The following VSTM2B variants were observed in gnomAD, a reference collection of about 807,000 sequenced individuals.
VSTM2B encodes V-set and transmembrane domain containing 2B, also known as V-set and transmembrane domain-containing protein 2B.
Under a neutral mutation model 24.0 loss-of-function variants are expected in VSTM2B, and 24 were observed. The observed-to-expected ratio is 1.00, with a 90% confidence interval of 0.72 to 1.40. VSTM2B has a LOEUF of 1.40. Ranked by LOEUF, VSTM2B falls within the 40% of genes most tolerant of loss-of-function variation. The pLI is 0.00. For synonymous variants in VSTM2B, 226 were observed against 194.4 expected (o/e 1.16, Z -1.35); for missense variants, 399 against 416.4 (o/e 0.96, Z 0.36).
intron 4 of VSTM2B, among the ~76,000 whole-genome samples, chr19:29,543,586 C>A (rs1458091622): frequency 6.6e-6 from 1 of 152,234 alleles, no homozygotes; most frequent in Non-Finnish European, 1.5e-5. Flanking sequence ...TGGCCAGGCC[C>A]ATTTCCACTG....
intron 4 of VSTM2B, among the ~76,000 whole-genome samples, chr19:29,544,703 A>G (rs1340622033): frequency 6.6e-6 from 1 of 152,172 alleles, no homozygotes; most frequent in Non-Finnish European, 1.5e-5. Context: ...GGTGAGGTCA[A>G]GGTCACTCTT....
At chr19:29,528,916 G>T in intron 3 of VSTM2B, 1 of 985,418 alleles carries the variant, frequency 1.0e-6, no homozygotes, top group Non-Finnish European at 1.2e-6. Context: ...CGCCTGGATT[G>T]CGGGTCTGGG....
At chr19:29,560,264 T>C (rs115882975) in intron 4 of VSTM2B, among the ~76,000 whole-genome samples, 1,892 of 152,248 alleles carry the variant, frequency 0.012, 33 homozygotes, top group African/African-American at 0.043. Context: ...GGGGGACTTG[T>C]AGCCATTTTT....
rs1034154485 is a variant in VSTM2B, at chr19:29,530,111, G to A, written c.590G>A (p.Arg197His). The change falls in exon 4 of 5, where the codon CGC becomes CAC. Residue 197 changes from arginine to histidine, a missense_variant. Physicochemically the swap from Arg to His is conservative, Grantham distance 29. Coordinates refer to ENST00000335523, the MANE Select transcript of VSTM2B (RefSeq NM_001146339.2). Reference sequence around the variant, plus strand: ...AGCCGTACCACCTCCGAGCCCGGCCGCGGCGACAAGAGCCCGCCGCCCGGG... The same window carrying A: ...AGCCGTACCACCTCCGAGCCCGGCCACGGCGACAAGAGCCCGCCGCCCGGG... ...AASRTTSEPG[R>H]GDKSPPPGSP... 1.2e-5 allele frequency: 18 copies of A among 1,445,366 alleles called. No homozygotes were observed. In the African/African-American group the frequency reaches 1.3e-4, roughly 11 times the overall value. The allele number at this position is 1,445,366 out of a possible 1,614,324, so 89.5% of individuals were successfully genotyped here.
At chr19:29,530,358 C>T (rs751843898) in intron 4 of VSTM2B, 68 bp downstream of exon 4, 15 of 1,346,638 alleles carry the variant, frequency 1.1e-5, no homozygotes, top group Non-Finnish European at 1.4e-5. Flanking sequence ...CCGGGACGCC[C>T]CGGGGGGCTC....
chr19:29,549,752 A>G (rs887901255), intron 4 of VSTM2B, among the ~76,000 whole-genome samples: 13 of 151,958 alleles, frequency 8.6e-5, no homozygotes, highest in Admixed American at 1.3e-4. Context: ...GCCCTCTCCT[A>G]CTCTCACTCC....
intron 4 of VSTM2B, among the ~76,000 whole-genome samples, chr19:29,531,003 G>C (rs1044875125): frequency 6.6e-6 from 1 of 150,792 alleles, no homozygotes; most frequent in Non-Finnish European, 1.5e-5. Context: ...ATTGGGGATG[G>C]GGGGCGGGAT....
intron 4 of VSTM2B, among the ~76,000 whole-genome samples, chr19:29,546,515 C>T (rs1970159858): frequency 6.6e-6 from 1 of 152,266 alleles, no homozygotes; most frequent in African/African-American, 2.4e-5. Flanking sequence ...GGAAAATTCT[C>T]TTGCAGGGGC....
chr19:29,529,686 G>A, intron 3 of VSTM2B, 133 bp from the exon 4 acceptor site: 6 of 890,762 alleles, frequency 6.7e-6, no homozygotes, highest in South Asian at 6.5e-5. Context: ...AAGGGAAGCC[G>A]GATCGTGATG....
chr19:29,546,744 A>G (rs1970167428), intron 4 of VSTM2B, among the ~76,000 whole-genome samples: 2 of 150,484 alleles, frequency 1.3e-5, no homozygotes, highest in African/African-American at 4.9e-5. Context: ...GCCTGACCAC[A>G]GAGTAAAGGC....
At chr19:29,557,145 A>G (rs1255295060) in intron 4 of VSTM2B, among the ~76,000 whole-genome samples, 2 of 152,186 alleles carry the variant, frequency 1.3e-5, no homozygotes, top group East Asian at 1.9e-4. Context: ...CTACAGGGCT[A>G]CAGTAACCAA....
intron 4 of VSTM2B, among the ~76,000 whole-genome samples, chr19:29,560,603 C>T (rs1970502151): frequency 6.6e-6 from 1 of 152,172 alleles, no homozygotes; most frequent in Non-Finnish European, 1.5e-5. Flanking sequence ...GTGAACCCTC[C>T]CCAGACATCA....
chr19:29,552,575 G>C (rs1970311326), intron 4 of VSTM2B, among the ~76,000 whole-genome samples: 1 of 152,188 alleles, frequency 6.6e-6, no homozygotes, highest in Admixed American at 6.5e-5. Flanking sequence ...TGTGGGTCAG[G>C]GGATCTCCCT....
At chr19:29,551,411 A>G (rs1242007610) in intron 4 of VSTM2B, among the ~76,000 whole-genome samples, 2 of 137,030 alleles carry the variant, frequency 1.5e-5, no homozygotes, top group African/African-American at 5.5e-5. Flanking sequence ...GAAATGAGGA[A>G]TTTCCCAGAC....
rs999832441 is a variant in VSTM2B at position 29,563,855 on chromosome 19, G to A, written c.779G>A (p.Arg260His). 72 of 1,552,128 alleles carry A rather than the reference G, an allele frequency of 4.6e-5. No homozygotes were observed. The highest frequency in any genetic ancestry group is 8.2e-5 in the African/African-American group (6 of 73,036). The change falls in exon 5 of 5, where the codon CGT (arginine) becomes CAT (histidine). Residue 260 changes from arginine to histidine, a missense_variant. Arg to His is a conservative substitution (Grantham distance 29, BLOSUM62 0). Transcript: ENST00000335523. Reference protein sequence around the residue: ...LRQRHGSGTGRSYTTDPLLSL... With the variant: ...LRQRHGSGTGHSYTTDPLLSL... ...TTCTCATCCCCTGCAGGCACCGGCC[G>A]TAGCTACACCACAGACCCACTCTTG...
upstream of VSTM2B, among the ~76,000 whole-genome samples, chr19:29,525,918 G>A (rs1041094547): frequency 1.4e-4 from 21 of 150,556 alleles, no homozygotes; most frequent in African/African-American, 4.9e-4. Flanking sequence ...GAGGGCGGGG[G>A]CGATGCAGCG....
intron 4 of VSTM2B, among the ~76,000 whole-genome samples, chr19:29,542,143 G>A (rs573912339): frequency 3.4e-5 from 5 of 148,932 alleles, no homozygotes; most frequent in Non-Finnish European, 3.0e-5. Context: ...ATAAATAGAT[G>A]GGTAGATGGG....
chr19:29,526,444 C>T lies in VSTM2B; in HGVS notation c.-140C>T, dbSNP rs1183587062. On this transcript the variant is annotated 5_prime_UTR_variant, in exon 1 of 5. Transcript: ENST00000335523. This position sits in a 1 kb window ranked among gnomAD's most constrained non-coding sequence, Gnocchi z 4.1. ...GGGAGCGGGGCTGATTGGCGGCCGC[C>T]GGCGGCCAGGGGAGGGGGCGCCGCG... 2 of 335,882 alleles carry T rather than the reference C, an allele frequency of 6.0e-6. No individual in the cohort carries two copies. The highest frequency in any genetic ancestry group is 2.6e-4 in the South Asian group (2 of 7,642). 20.8% of individuals were successfully genotyped at this position (335,882 alleles called of 1,614,324 possible). A position where few individuals can be genotyped will look rare whatever the true frequency, so the allele number is the denominator to read the frequency against.
intron 3 of VSTM2B, chr19:29,528,830 G>C: frequency 1.1e-6 from 1 of 881,162 alleles, no homozygotes; most frequent in Non-Finnish European, 1.4e-6. Context: ...CGCCGCGACC[G>C]TGGCGCCAGC....
Sources: allele counts gnomAD v4.1 joint callset (sites outside exome capture counted in the v4.1 genomes callset), GRCh38; gene constraint gnomAD v4.1.1; non-coding constraint Gnocchi (gnomAD v3.1); transcripts MANE v1.5; gene names NCBI Gene and HGNC (gene_info 2026-07-23, HGNC 2026-07-21).